The following ANK1 variants were observed in gnomAD, a reference collection of about 807,000 sequenced individuals.
ANK1 encodes ankyrin 1, also known as ankyrin-1.
ANK1 carries 51 observed loss-of-function variants against 210.4 expected under a neutral mutation model. That is an observed-to-expected ratio of 0.24 (90% CI 0.19 to 0.31). ANK1 has a LOEUF of 0.31. Among genes scored for constraint, ANK1 ranks in the 10% least tolerant of loss-of-function variants. ANK1 has a pLI of 1.00. For missense variants in ANK1, 2,051 were observed against 2,504.4 expected, an observed-to-expected ratio of 0.82 and a Z score of 3.86; for synonymous variants, 967 against 1,025.9, an observed-to-expected ratio of 0.94 and a Z score of 1.10.
At chr8:41,820,652 G>A (rs1418192578) in intron 1 of ANK1, among the ~76,000 whole-genome samples, 7 of 152,060 alleles carry the variant, frequency 4.6e-5, no homozygotes, top group Non-Finnish European at 7.4e-5. Context: ...GACCCACACT[G>A]GGTACCAACT....
chr8:41,819,893 C>G (rs575997538), intron 1 of ANK1, among the ~76,000 whole-genome samples: 1 of 152,330 alleles, frequency 6.6e-6, no homozygotes, highest in South Asian at 2.1e-4. Context: ...CAGCAAAGTT[C>G]GTCTAAACAG....
Position 41,654,226 on chromosome 8 carries a change from G to A in ANK1, c.*1564C>T, listed in dbSNP as rs1002674409. ...TGATTCTGGCCTCCCTGGGCCGGAG[G>A]CTCTAGTGGAACTTAAGGCTCCTCC... is the stretch of plus-strand genomic sequence containing the variant. On this transcript the variant is annotated 3_prime_UTR_variant, in exon 43 of 43. Coordinates refer to ENST00000289734, the MANE Select transcript of ANK1 (RefSeq NM_000037.4). 4 of 152,814 alleles carry A rather than the reference G, an allele frequency of 2.6e-5. No individual in the cohort carries two copies. Among genetic ancestry groups the A allele is most frequent in the Admixed American group, 2.6e-4 (4 of 15,316 alleles). The allele number at this position is 152,814 out of a possible 1,614,324, so 9.5% of individuals were successfully genotyped here.
intron 1 of ANK1, among the ~76,000 whole-genome samples, chr8:41,827,139 T>C (rs1805523540): frequency 6.6e-6 from 1 of 152,266 alleles, no homozygotes; most frequent in South Asian, 2.1e-4. Flanking sequence ...GATTTTCAGA[T>C]TGCTTCACAT....
rs1810130573 is a variant in ANK1 at position 41,846,728 on chromosome 8, C to T, written c.126+49627G>A. Among the ~76,000 whole-genome samples the T allele has an allele frequency of 2.0e-5, 3 of 152,244 alleles. No homozygotes were observed. In the South Asian group the frequency reaches 6.2e-4, roughly 32 times the overall value. ...ACTAGAGAAGCTGCAGCAACCACCC[C>T]TGGCCACAGGCTGTTCTCACAGCTG... On this transcript the variant is annotated intron_variant, in intron 1 of 42. Coordinates refer to the ANK1 transcript ENST00000265709.
At chr8:41,785,976 C>T (rs983623730) in intron 1 of ANK1, among the ~76,000 whole-genome samples, 1 of 152,230 alleles carries the variant, frequency 6.6e-6, no homozygotes, top group African/African-American at 2.4e-5. Flanking sequence ...CGTCTCTTCT[C>T]CCTGTACTCT....
chr8:41,670,417 C>T (rs1585905519), intron 38 of ANK1, among the ~76,000 whole-genome samples: 1 of 152,088 alleles, frequency 6.6e-6, no homozygotes. Context: ...AACACTGCTG[C>T]GGTAATGCAG....
At position 41,703,443 on chromosome 8, in the gene ANK1, TATA is replaced by T. The variant is rs1245933156; in HGVS notation, c.2295+595_2295+597del. On this transcript the variant is annotated intron_variant, in intron 20 of 42. Coordinates refer to ENST00000289734, the MANE Select transcript of ANK1 (RefSeq NM_000037.4). Reference sequence around the variant, plus strand: ...GTGTGTATATATATATATATATATATATATATATTTTTTTTTTTTTTTTAAGAC... The same window carrying T: ...GTGTGTATATATATATATATATATATTATATTTTTTTTTTTTTTTTAAGAC... Among the ~76,000 whole-genome samples, 93 of 71,252 alleles carry T rather than the reference TATA, an allele frequency of 1.3e-3. 3 individuals carry two copies. The highest frequency in any genetic ancestry group is 4.2e-3 in the African/African-American group (86 of 20,494). The allele number at this position is 71,252 out of a possible 152,430, so 46.7% of individuals were successfully genotyped here.
chr8:41,716,957 G>T lies in ANK1; in HGVS notation c.1400C>A (p.Ala467Asp). The change falls in exon 13 of 43, where the codon GCC becomes GAC. Residue 467 changes from alanine to aspartate, a missense_variant. By Grantham distance (126) the Ala-to-Asp change is moderately radical. Transcript: ENST00000289734. ...LQNKAKVNAK[A>D]KDDQTPLHCA... ...CTTCCTGCCTTCACTACTCACCTTGGCCTTGGCATTGACTTTGGCTTTGTT... is the reference window on the plus strand; with the variant it reads ...CTTCCTGCCTTCACTACTCACCTTGTCCTTGGCATTGACTTTGGCTTTGTT... 1 of 1,613,976 alleles carries T rather than the reference G, an allele frequency of 6.2e-7. No individual in the cohort carries two copies. The highest frequency in any genetic ancestry group is 8.5e-7 in the Non-Finnish European group (1 of 1,179,994).
intron 2 of ANK1, among the ~76,000 whole-genome samples, chr8:41,749,624 T>A (rs1429118641): frequency 6.8e-6 from 1 of 146,988 alleles, no homozygotes. Flanking sequence ...CTTCTTTTTT[T>A]TTTTTGAGAA....
rs1326841955 is a variant in ANK1 at position 41,694,823 on chromosome 8, C to T, written c.3116-20G>A. On this transcript the variant is annotated intron_variant, in intron 27 of 42. Coordinates refer to ENST00000289734, the MANE Select transcript of ANK1 (RefSeq NM_000037.4). The surrounding 1 kb of genome is among the most constrained non-coding windows in gnomAD (Gnocchi z 5.7). ...CCAGCTCTGGAATCACACACACAGG[C>T]CACCACCCCGGTCACATCAGGCACA... is the stretch of plus-strand genomic sequence containing the variant. 1.2e-6 allele frequency: 2 copies of T among 1,612,502 alleles called. No individual in the cohort carries two copies. The highest frequency in any genetic ancestry group is 2.2e-5 in the East Asian group (1 of 44,864).
Position 41,663,754 on chromosome 8 carries a change from G to T in ANK1, c.5395-12C>A. On this transcript the variant is annotated splice_polypyrimidine_tract_variant and intron_variant, in intron 39 of 42. Coordinates refer to ENST00000289734, the MANE Select transcript of ANK1 (RefSeq NM_000037.4). ...TGAAACTCATTCCCCTGGAATTAGAGAAAGGGAGAAAATGCAAGATTGGTG... is the reference window on the plus strand; with the variant it reads ...TGAAACTCATTCCCCTGGAATTAGATAAAGGGAGAAAATGCAAGATTGGTG... 1 of 1,606,210 alleles carries T rather than the reference G, an allele frequency of 6.2e-7. No homozygotes were observed. The highest frequency in any genetic ancestry group is 8.5e-7 in the Non-Finnish European group (1 of 1,172,718).
At chr8:41,666,371 G>A (rs1452011206) in intron 39 of ANK1, among the ~76,000 whole-genome samples, 1 of 152,200 alleles carries the variant, frequency 6.6e-6, no homozygotes, top group East Asian at 1.9e-4. Context: ...TTCTGCCTAG[G>A]TGGAGGAGTA....
rs555774718 is a variant in ANK1, at chr8:41,804,256, C to T, written c.127-46119G>A. ...CATGGACCTCCCATAGGGCTGCCAA[C>T]CATCCTCTTACACTGCAGCTAGCTT... On this transcript the variant is annotated intron_variant, in intron 1 of 42. Coordinates refer to the ANK1 transcript ENST00000265709. Among the ~76,000 whole-genome samples, 73 of 152,284 alleles carry T rather than the reference C, an allele frequency of 4.8e-4. 1 individual carries two copies. Among genetic ancestry groups the T allele is most frequent in the African/African-American group, 1.4e-3 (58 of 41,548 alleles).
At chr8:41,861,626 C>T (rs2150818501) in intron 1 of ANK1, among the ~76,000 whole-genome samples, 1 of 152,360 alleles carries the variant, frequency 6.6e-6, no homozygotes, top group Non-Finnish European at 1.5e-5. Flanking sequence ...ATCTCCAGGG[C>T]TCTGTGCTCT....
chr8:41,678,722 T>G (rs1814997635), intron 37 of ANK1, among the ~76,000 whole-genome samples: 1 of 152,266 alleles, frequency 6.6e-6, no homozygotes, highest in Non-Finnish European at 1.5e-5. Context: ...CTACTTAGCT[T>G]TTTTGAATAC....
intron 2 of ANK1, among the ~76,000 whole-genome samples, chr8:41,743,241 C>T (rs1332246636): frequency 3.3e-5 from 5 of 151,982 alleles, no homozygotes; most frequent in Non-Finnish European, 7.4e-5. Context: ...AATCCTGAAA[C>T]TGATGAGAAT....
At chr8:41,818,447 G>A (rs1432102751) in intron 1 of ANK1, among the ~76,000 whole-genome samples, 1 of 152,108 alleles carries the variant, frequency 6.6e-6, no homozygotes, top group Non-Finnish European at 1.5e-5. Context: ...AATCCATTAT[G>A]TCTTCTTTTC....
In ANK1 at chr8:41,655,420, C is replaced by G. The variant is rs1805328683; in HGVS notation, c.*370G>C. On this transcript the variant is annotated 3_prime_UTR_variant, in exon 43 of 43. Transcript: ENST00000289734. The stretch of plus-strand genomic sequence containing the variant: ...AAAAAAAAAACCCCAAAACCAAAAC[C>G]CATCCCCAGCCACAAAAAGCCCTCA... The G allele has an allele frequency of 2.8e-6, 1 of 356,468 alleles. No individual in the cohort carries two copies. The highest frequency in any genetic ancestry group is 5.1e-6 in the Non-Finnish European group (1 of 197,296). 22.1% of individuals were successfully genotyped at this position (356,468 alleles called of 1,614,324 possible).
chr8:41,689,023 T>C (rs1818482451), intron 33 of ANK1, among the ~76,000 whole-genome samples: 1 of 152,196 alleles, frequency 6.6e-6, no homozygotes, highest in Non-Finnish European at 1.5e-5. Context: ...TCTTTCTGCT[T>C]GAAAGACCCG....
Sources: gnomAD v4.1 joint callset for allele counts (sites outside exome capture counted in the v4.1 genomes callset) on GRCh38, gnomAD v4.1.1 for gene constraint, Gnocchi (gnomAD v3.1) non-coding constraint, MANE v1.5 for transcripts, NCBI Gene and HGNC (gene_info 2026-07-23, HGNC 2026-07-21) for gene names.